The following IL7 variants were observed in gnomAD, a reference collection of about 807,000 sequenced individuals.
The protein encoded by IL7 is interleukin-7.
In IL7, 3 loss-of-function variants were observed where a neutral mutation model predicts 21.6. The ratio of observed to expected loss-of-function variants is 0.14; its 90% CI spans 0.06 to 0.36. The LOEUF is 0.36. IL7 is among the 10% of genes least tolerant of loss of function. The pLI is 1.00. For missense variants in IL7, 175 were observed against 200.2 expected (o/e 0.87, Z 0.76); for synonymous variants, 62 against 68.1 (o/e 0.91, Z 0.44).
At chr8:78,777,697 T>C (rs1395788713) in intron 2 of IL7, among the ~76,000 whole-genome samples, 1 of 152,118 alleles carries the variant, frequency 6.6e-6, no homozygotes, top group Non-Finnish European at 1.5e-5. Flanking sequence ...AGCTGCCATC[T>C]GTAAATTTTA....
intron 2 of IL7, chr8:78,761,894 C>T (rs1489150947): frequency 1.2e-6 from 2 of 1,611,386 alleles, no homozygotes; most frequent in African/African-American, 1.3e-5. Context: ...TATGTTTTGC[C>T]TTCCCATCAG....
chr8:78,724,919 T>C (rs548057945), intron 3 of IL7, among the ~76,000 whole-genome samples: 5 of 152,154 alleles, frequency 3.3e-5, no homozygotes, highest in South Asian at 2.1e-4. Context: ...GTAGAAAACA[T>C]TGGACAATAT....
intron 3 of IL7, among the ~76,000 whole-genome samples, chr8:78,722,417 T>C (rs978931703): frequency 2.6e-5 from 4 of 151,994 alleles, no homozygotes; most frequent in Non-Finnish European, 5.9e-5. Flanking sequence ...TATTTTTTGC[T>C]TTCAATAAGA....
chr8:78,675,820 T>C (rs1477099319), exon 5 of IL7: 1 of 1,610,416 alleles, frequency 6.2e-7, no homozygotes, highest in Non-Finnish European at 8.5e-7. Context: ...GGAGAATTGT[T>C]ACCTTGCAAG....
At chr8:78,698,439 AAGTAG>A in intron 3 of IL7, 1 of 1,612,854 alleles carries the variant, frequency 6.2e-7, no homozygotes, top group Non-Finnish European at 8.5e-7. Flanking sequence ...AAGTGTCTTC[AAGTAG>A]CAGCTCTTTG....
At chr8:78,693,516 C>T (rs12056860) in intron 3 of IL7, among the ~76,000 whole-genome samples, 104,130 of 151,870 alleles carry the variant, frequency 0.69, 36,542 homozygotes, top group East Asian at 0.91. Context: ...GTCTTTTGGC[C>T]GCATAAATGT....
intron 3 of IL7, among the ~76,000 whole-genome samples, chr8:78,693,874 C>T (rs1035873248): frequency 1.3e-5 from 2 of 152,108 alleles, no homozygotes; most frequent in Non-Finnish European, 2.9e-5. Flanking sequence ...AGGTCTAACA[C>T]TTAAGTCTTT....
chr8:78,720,062 C>T (rs372958526), intron 5 of IL7, among the ~76,000 whole-genome samples: 20 of 151,722 alleles, frequency 1.3e-4, no homozygotes, highest in Admixed American at 6.6e-4. Context: ...GAAACATGGA[C>T]GTTTCTAGTT....
At chr8:78,747,461 C>T (rs2130720847) in intron 2 of IL7, among the ~76,000 whole-genome samples, 1 of 152,230 alleles carries the variant, frequency 6.6e-6, no homozygotes, top group Non-Finnish European at 1.5e-5. Context: ...ATCACTATGA[C>T]AACCTATCCA....
intron 3 of IL7, among the ~76,000 whole-genome samples, chr8:78,692,889 ACC>A (rs1810258325): frequency 6.6e-6 from 1 of 150,760 alleles, no homozygotes; most frequent in Non-Finnish European, 1.5e-5. Flanking sequence ...CACTCCCCCC[ACC>A]CCACAACAGG....
At chr8:78,717,021 C>T (rs1365995717), downstream of IL7, among the ~76,000 whole-genome samples, 3 of 150,304 alleles carry the variant, frequency 2.0e-5, no homozygotes, top group South Asian at 2.1e-4. Context: ...GTCAGTTAAA[C>T]CTCTTTTCTT....
At chr8:78,804,454 C>G (rs1433133585) in intron 1 of IL7, among the ~76,000 whole-genome samples, 1 of 152,140 alleles carries the variant, frequency 6.6e-6, no homozygotes, top group East Asian at 1.9e-4. Context: ...AAGCGCGTCC[C>G]GTGGGAGCTT....
At position 78,797,323 on chromosome 8, in the gene IL7, A is replaced by C. The variant is rs971769191; in HGVS notation, c.147+749T>G. ...TGATTTGTATGATATGTAATCACGG[A>C]TATGTGATGGTATACATTTATCAAA... is the stretch of plus-strand genomic sequence containing the variant. On this transcript the variant is annotated intron_variant, in intron 2 of 5. Coordinates refer to ENST00000263851, the MANE Select transcript of IL7 (RefSeq NM_000880.4). Among the ~76,000 whole-genome samples the C allele has an allele frequency of 2.6e-5, 4 of 152,120 alleles. No homozygotes were observed. The East Asian group carries it at 5.8e-4, about 22-fold the overall frequency.
intron 4 of IL7, among the ~76,000 whole-genome samples, chr8:78,737,308 T>C (rs546135803): frequency 1.3e-5 from 2 of 152,222 alleles, no homozygotes; most frequent in South Asian, 2.1e-4. Flanking sequence ...AACTAATTAA[T>C]TGGATGTGCA....
intron 2 of IL7, among the ~76,000 whole-genome samples, chr8:78,795,364 A>G (rs1041872613): frequency 8.5e-5 from 13 of 152,246 alleles, no homozygotes; most frequent in African/African-American, 3.1e-4. Context: ...TATGTATAGA[A>G]AACATTCTTA....
intron 2 of IL7, chr8:78,760,320 C>T (rs553791083): frequency 8.7e-6 from 14 of 1,607,644 alleles, no homozygotes; most frequent in South Asian, 3.3e-5. Flanking sequence ...TGCTTTAAGA[C>T]GCTTTCATCC....
intron 3 of IL7, among the ~76,000 whole-genome samples, chr8:78,699,938 G>T (rs1231176450): frequency 6.6e-6 from 1 of 151,870 alleles, no homozygotes; most frequent in Non-Finnish European, 1.5e-5. Flanking sequence ...ATATGTGTGT[G>T]TCTTTATAAT....
chr8:78,759,061 C>A (rs1346656856), intron 2 of IL7, among the ~76,000 whole-genome samples: 1 of 149,764 alleles, frequency 6.7e-6, no homozygotes, highest in Non-Finnish European at 1.5e-5. Flanking sequence ...TTTTATTCCC[C>A]CCCCCACCTT....
chr8:78,736,005 AAT>A (rs1036346604), intron 5 of IL7, among the ~76,000 whole-genome samples: 7 of 150,978 alleles, frequency 4.6e-5, no homozygotes, highest in South Asian at 4.1e-4. Flanking sequence ...TATATGTATA[AAT>A]ATATGTTTAT....
Sources: allele counts gnomAD v4.1 joint callset (sites outside exome capture counted in the v4.1 genomes callset), GRCh38; gene constraint gnomAD v4.1.1; transcripts MANE v1.5; gene names NCBI Gene and HGNC (gene_info 2026-07-23, HGNC 2026-07-21).